ZNF141: variants seen among roughly 807,000 people sequenced by gnomAD.
The protein encoded by ZNF141 is zinc finger protein 141.
Under a neutral mutation model 11.3 loss-of-function variants are expected in ZNF141, and 7 were observed. That is an observed-to-expected ratio of 0.62 (90% CI 0.35 to 1.16). The LOEUF is 1.16. Ranked by LOEUF, ZNF141 falls within the 50% of genes most tolerant of loss-of-function variation. The probability of loss-of-function intolerance (pLI) is 0.02; values close to 1 mark genes in which losing one functional copy is unlikely to be tolerated. For missense variants in ZNF141, 535 were observed against 554.0 expected, an observed-to-expected ratio of 0.97 and a Z score of 0.34; for synonymous variants, 183 against 190.7, an observed-to-expected ratio of 0.96 and a Z score of 0.33.
chr4:355,149 G>GT (rs1721783521), intron 3 of ZNF141, among the ~76,000 whole-genome samples: 2 of 151,010 alleles, frequency 1.3e-5, no homozygotes, highest in Admixed American at 1.3e-4. Flanking sequence ...ATATAATGAA[G>GT]TTTTTTTAAT....
chr4:343,695 A>G, intron 1 of ZNF141, 87 bp from the exon 2 acceptor site: 1 of 1,283,992 alleles, frequency 7.8e-7, no homozygotes, highest in Non-Finnish European at 1.0e-6. Flanking sequence ...GCTGCACTCC[A>G]GCCTGGGTGA....
At chr4:353,466 ATT>A (rs200906693) in intron 3 of ZNF141, among the ~76,000 whole-genome samples, 3 of 134,586 alleles carry the variant, frequency 2.2e-5, no homozygotes, top group African/African-American at 2.8e-5. Context: ...TATTATTATT[ATT>A]TTTTTTTTTT....
At chr4:347,994 G>C (rs1721419348) in intron 3 of ZNF141, among the ~76,000 whole-genome samples, 1 of 151,548 alleles carries the variant, frequency 6.6e-6, no homozygotes, top group African/African-American at 2.4e-5. Flanking sequence ...ACAGGCACGT[G>C]CCACCATGCC....
chr4:381,489 A>ACCTCCGCCT lies in ZNF141; in HGVS notation c.*7631_*7639dup, dbSNP rs1553855639. 7.1e-6 allele frequency among the ~76,000 whole-genome samples: 1 copy of ACCTCCGCCT among 140,990 alleles called. No homozygotes were observed. Among genetic ancestry groups the ACCTCCGCCT allele is most frequent in the Non-Finnish European group, 1.5e-5 (1 of 67,080 alleles). 92.5% of individuals were successfully genotyped at this position (140,990 alleles called of 152,430 possible). On this transcript the variant is annotated 3_prime_UTR_variant, in exon 4 of 4. Transcript: ENST00000240499. ...AGTGGTGCAATCTCGGCTCACTGCA[A>ACCTCCGCCT]CCTCCGCCTCCTGGGTTCACACAAT...
rs1342427218 is a variant in ZNF141, at chr4:379,525, C to T, written c.*5663C>T. Reference sequence around the variant, plus strand: ...TATTAGCTGGCATTACAGGTGTGCACCACCATGCCTGGCTAATTTTTATAT... The same window carrying T: ...TATTAGCTGGCATTACAGGTGTGCATCACCATGCCTGGCTAATTTTTATAT... On this transcript the variant is annotated 3_prime_UTR_variant, in exon 4 of 4. Transcript: ENST00000240499. 2.0e-5 allele frequency among the ~76,000 whole-genome samples: 3 copies of T among 152,094 alleles called. No homozygotes were observed. In the South Asian group the frequency reaches 6.2e-4, roughly 32 times the overall value.
intron 3 of ZNF141, among the ~76,000 whole-genome samples, chr4:353,829 T>C (rs1263474656): frequency 5.9e-5 from 9 of 152,140 alleles, no homozygotes; most frequent in African/African-American, 2.2e-4. Flanking sequence ...GTCTCCTCCA[T>C]AGGGGACTGA....
intron 3 of ZNF141, among the ~76,000 whole-genome samples, chr4:347,647 C>T (rs1203847861): frequency 5.9e-5 from 9 of 151,430 alleles, no homozygotes; most frequent in African/African-American, 2.2e-4. Flanking sequence ...CCGCGCCCAG[C>T]CTAGTTTTAT....
chr4:358,110 G>A lies in ZNF141; in HGVS notation c.226+13680G>A, dbSNP rs924593263. ...CTGTAGAACTGAGTCTTCTGTTAAA[G>A]CTTGTTGTTAAATTTTTTAGTTCTA... On this transcript the variant is annotated intron_variant, in intron 3 of 3. Transcript: ENST00000240499. 21 of 338,674 alleles carry A rather than the reference G, an allele frequency of 6.2e-5. No homozygotes were observed. The East Asian group carries it at 7.1e-4, about 11-fold the overall frequency. The allele number at this position is 338,674 out of a possible 1,614,324, so 21.0% of individuals were successfully genotyped here. A position where few individuals can be genotyped will look rare whatever the true frequency, so the allele number is the denominator to read the frequency against.
In ZNF141 at chr4:383,254, G is replaced by A; in HGVS notation, c.*9392G>A. On this transcript the variant is annotated 3_prime_UTR_variant, in exon 4 of 4. Transcript: ENST00000240499. ...CTCACACCTGAAGGAGCCAAACTGA[G>A]CCCAGAAGAATGGCCCGGCTGAGCC... The A allele has an allele frequency of 1.5e-6, 1 of 655,028 alleles. No individual in the cohort carries two copies. Among genetic ancestry groups the A allele is most frequent in the Non-Finnish European group, 2.7e-6 (1 of 365,864 alleles). 40.6% of individuals were successfully genotyped at this position (655,028 alleles called of 1,614,324 possible).
chr4:351,975 G>A (rs965394740), intron 3 of ZNF141, among the ~76,000 whole-genome samples: 21 of 152,290 alleles, frequency 1.4e-4, no homozygotes, highest in African/African-American at 4.8e-4. Context: ...TAGGTAAGAA[G>A]TGAGTTTATT....
chr4:376,067 TA>T lies in ZNF141; in HGVS notation c.*2206del, dbSNP rs1223176621. On this transcript the variant is annotated 3_prime_UTR_variant, in exon 4 of 4. Transcript: ENST00000240499. ...GTAAATTTTAAAATTATTTTAAGAT[TA>T]TGTGGGAACATAATTTTTTAACTAA... is the stretch of plus-strand genomic sequence containing the variant. 6.6e-6 allele frequency among the ~76,000 whole-genome samples: 1 copy of T among 152,092 alleles called. No homozygotes were observed. Among genetic ancestry groups the T allele is most frequent in the African/African-American group, 2.4e-5 (1 of 41,450 alleles).
intron 3 of ZNF141, among the ~76,000 whole-genome samples, chr4:363,785 G>T (rs1711595176): frequency 6.6e-6 from 1 of 150,834 alleles, no homozygotes; most frequent in African/African-American, 2.4e-5. Flanking sequence ...GGGGGGGAAT[G>T]CTTCTAGTTT....
chr4:371,237 T>C (rs1553853536), intron 3 of ZNF141, among the ~76,000 whole-genome samples: 2 of 146,534 alleles, frequency 1.4e-5, no homozygotes, highest in Non-Finnish European at 3.1e-5. Flanking sequence ...GTTCTGGAAT[T>C]TTTTTTTTTT....
At chr4:365,215 G>A (rs548844500) in intron 3 of ZNF141, among the ~76,000 whole-genome samples, 2 of 152,326 alleles carry the variant, frequency 1.3e-5, no homozygotes, top group African/African-American at 2.4e-5. Flanking sequence ...AGGAGATCCC[G>A]ATTTTCCAGA....
intron 1 of ZNF141, chr4:342,861 C>G: frequency 6.2e-7 from 1 of 1,608,654 alleles, no homozygotes; most frequent in Non-Finnish European, 8.5e-7. Context: ...CAACTGTAGG[C>G]TGAGTGACCT....
chr4:346,893 A>ACACCCCCCCCC (rs373224939), intron 3 of ZNF141, among the ~76,000 whole-genome samples: 11 of 135,436 alleles, frequency 8.1e-5, no homozygotes, highest in Admixed American at 1.5e-4. Context: ...ACACACACAC[A>ACACCCCCCCCC]CCGCCCCCCC....
chr4:344,583 C>CAAGAGATCG (rs1721230765), intron 3 of ZNF141, among the ~76,000 whole-genome samples, 153 bp downstream of exon 3: 1 of 152,110 alleles, frequency 6.6e-6, no homozygotes, highest in Non-Finnish European at 1.5e-5. Context: ...ATCACGAGGT[C>CAAGAGATCG]AAGAGATCGA....
chr4:382,022 T>TA lies in ZNF141; in HGVS notation c.*8160_*8161insA, dbSNP rs1359436658. Among the ~76,000 whole-genome samples the TA allele has an allele frequency of 6.8e-6, 1 of 147,690 alleles. No individual in the cohort carries two copies. Among genetic ancestry groups the TA allele is most frequent in the African/African-American group, 2.6e-5 (1 of 39,136 alleles). ...GTGCAGTGGCTCGATCTCGGCTCAC[T>TA]GCAAGCTCCACCTCCCAGGTTCACG... On this transcript the variant is annotated 3_prime_UTR_variant, in exon 4 of 4. Coordinates refer to ENST00000240499, the MANE Select transcript of ZNF141 (RefSeq NM_003441.4).
intron 3 of ZNF141, among the ~76,000 whole-genome samples, chr4:353,203 C>A (rs868908930): frequency 1.3e-5 from 2 of 151,974 alleles, no homozygotes; most frequent in Admixed American, 6.6e-5. Flanking sequence ...TGAAATCCCA[C>A]CTCTACCAAA....
Sources: allele counts gnomAD v4.1 joint callset (sites outside exome capture counted in the v4.1 genomes callset), GRCh38; gene constraint gnomAD v4.1.1; transcripts MANE v1.5; gene names NCBI Gene and HGNC (gene_info 2026-07-23, HGNC 2026-07-21).